COL7A1: variants seen among roughly 807,000 people sequenced by gnomAD.
COL7A1 encodes collagen alpha-1(VII) chain.
In COL7A1, 296 loss-of-function variants were observed where a neutral mutation model predicts 456.2. The observed-to-expected ratio is 0.65, with a 90% CI of 0.59 to 0.71. COL7A1 has a LOEUF of 0.71. COL7A1 is among the 30% of genes least tolerant of loss of function. COL7A1 has a pLI of 0.00. For synonymous variants in COL7A1, 1,464 were observed against 1,525.9 expected, an observed-to-expected ratio of 0.96 and a Z score of 0.95; for missense variants, 3,441 against 4,017.2, an observed-to-expected ratio of 0.86 and a Z score of 3.88.
chr3:48,580,647 T>G lies in COL7A1; in HGVS notation c.4986A>C (p.Ala1662=), dbSNP rs745762478. The G allele has an allele frequency of 1.6e-5, 26 of 1,613,690 alleles. No individual in the cohort carries two copies. Among genetic ancestry groups the G allele is most frequent in the Non-Finnish European group, 2.0e-5 (24 of 1,179,930 alleles). ...CACCCACAGGCCCCCGAACTCCAGG[T>G]GCCCCCTAAGAAGAGCAGCTGGCCT... is the stretch of plus-strand genomic sequence containing the variant. ...GKAGERGLRG[A]PGVRGPVGEK... is the part of the protein sequence containing the mutation. The change falls in exon 55 of 119, where the codon GCA becomes GCC. Residue 1662 remains alanine (A), a synonymous_variant. Coordinates refer to ENST00000681320, the MANE Select transcript of COL7A1 (RefSeq NM_000094.4). The surrounding 1 kb of genome is among the most constrained non-coding windows in gnomAD (Gnocchi z 4.5).
chr3:48,576,832 C>A (rs1197866896), intron 67 of COL7A1, 52 bp downstream of exon 67: 1 of 1,613,704 alleles, frequency 6.2e-7, no homozygotes, highest in East Asian at 2.2e-5. Context: ...GAGTCATATT[C>A]CCCCAGGGTC....
At position 48,594,384 on chromosome 3, in the gene COL7A1, A is replaced by G; in HGVS notation, c.250T>C (p.Tyr84His). The change falls in exon 3 of 119, where the codon TAC becomes CAC. Residue 84 changes from tyrosine to histidine, a missense_variant. Tyr to His is a moderately conservative substitution (Grantham distance 83). Around this residue, in one of 3 missense-constraint regions of COL7A1, gnomAD observed 913 missense variants for 1,088.2 expected, o/e 0.84. Coordinates refer to ENST00000681320, the MANE Select transcript of COL7A1 (RefSeq NM_000094.4). The surrounding 1 kb of genome is among the most constrained non-coding windows in gnomAD (Gnocchi z 5.5). ...CCTACTCACCGTGGGTCATCGCTGT[A>G]CTGCACTGTGGCAAAGCGCACACCC... ...AQGVRFATVQ[Y>H]SDDPRTEFGL... The G allele has an allele frequency of 4.3e-6, 7 of 1,610,974 alleles. No homozygotes were observed. Among genetic ancestry groups the G allele is most frequent in the Non-Finnish European group, 5.9e-6 (7 of 1,179,998 alleles).
rs41290684 is a variant in COL7A1, at chr3:48,565,086, C to T, written c.8620+23G>A. 0.014 allele frequency: 17,948 copies of T among 1,311,748 alleles called. 137 individuals carry two copies. The highest frequency in any genetic ancestry group is 0.017 in the Non-Finnish European group (16,525 of 993,574). 81.3% of individuals were successfully genotyped at this position (1,311,748 alleles called of 1,614,324 possible). On this transcript the variant is annotated intron_variant, in intron 117 of 118. Transcript: ENST00000681320. This position sits in a 1 kb window ranked among gnomAD's most constrained non-coding sequence, Gnocchi z 4.5. ...GCCCTGCCTGCCCCTCCCCAGACCC[C>T]GCTGGCAGCCCCCCATTCTCACCAT... is the stretch of plus-strand genomic sequence containing the variant.
chr3:48,569,987 AG>A lies in COL7A1; in HGVS notation c.7486-73del. 7 of 1,607,262 alleles carry A rather than the reference AG, an allele frequency of 4.4e-6. No individual in the cohort carries two copies. The highest frequency in any genetic ancestry group is 6.0e-6 in the Non-Finnish European group (7 of 1,174,908). On this transcript the variant is annotated intron_variant, in intron 99 of 118. Coordinates refer to ENST00000681320, the MANE Select transcript of COL7A1 (RefSeq NM_000094.4). This position sits in a 1 kb window ranked among gnomAD's most constrained non-coding sequence, Gnocchi z 4.9. ...AGGACGGAGGAGGATCAGGGGGAGG[AG>A]GGAAACAGTGGGGACCAGACAAAGG... is the stretch of plus-strand genomic sequence containing the variant.
At position 48,595,139 on chromosome 3, in the gene COL7A1, C is replaced by G; in HGVS notation, c.21G>C (p.Val7=). The G allele has an allele frequency of 1.3e-6, 2 of 1,552,898 alleles. No individual in the cohort carries two copies. Among genetic ancestry groups the G allele is most frequent in the Non-Finnish European group, 1.7e-6 (2 of 1,148,432 alleles). Residue 7 remains valine, a synonymous_variant, in exon 2 of 119, where the codon GTG becomes GTC. Coordinates refer to ENST00000681320, the MANE Select transcript of COL7A1 (RefSeq NM_000094.4). ...CCAGGATCCCGGCGCAGAGCGCGGC[C>G]ACCAGAAGCCGCAGCGTCATCCTAG... is the stretch of plus-strand genomic sequence containing the variant. The part of the protein sequence containing the change: MTLRLL[V]AALCAGILAE...
chr3:48,566,633 G>A lies in COL7A1; in HGVS notation c.8304+27C>T. On this transcript the variant is annotated intron_variant, in intron 112 of 118. Coordinates refer to ENST00000681320, the MANE Select transcript of COL7A1 (RefSeq NM_000094.4). The surrounding 1 kb of genome is among the most constrained non-coding windows in gnomAD (Gnocchi z 5.9). ...GACAACAGAAGTCACCCCGATCTCT[G>A]ACCCAAGCCTTGGAATCCCTACTCA... 3 of 1,614,154 alleles carry A rather than the reference G, an allele frequency of 1.9e-6. No individual in the cohort carries two copies. Among genetic ancestry groups the A allele is most frequent in the Non-Finnish European group, 2.5e-6 (3 of 1,180,006 alleles).
Position 48,565,117 on chromosome 3 carries a change from T to C in COL7A1, c.8612A>G (p.Asp2871Gly), listed in dbSNP as rs778969774. Residue 2871 changes from aspartate to glycine, a missense_variant, in exon 117 of 119, where the codon GAT becomes GGT. Transcript: ENST00000681320. The surrounding 1 kb of genome is among the most constrained non-coding windows in gnomAD (Gnocchi z 4.5). Reference sequence around the variant, plus strand: ...CAGCCCCCCATTCTCACCATCACTATCCCAAGGAGCTTCAGGGTCCTGGTA... The same window carrying C: ...CAGCCCCCCATTCTCACCATCACTACCCCAAGGAGCTTCAGGGTCCTGGTA... ...EEYQDPEAPW[D>G]SDDPCSLPLD... is the part of the protein sequence containing the mutation. 3.7e-6 allele frequency: 6 copies of C among 1,613,962 alleles called. No individual in the cohort carries two copies. The highest frequency in any genetic ancestry group is 1.7e-5 in the Admixed American group (1 of 60,016).
rs772240998 is a variant in COL7A1 at position 48,592,170 on chromosome 3, T to G, written c.1172A>C (p.Tyr391Ser). ...AAATAGGGTGCTCACGGTCACCTCA[T>G]AGTCCGTGCCAGGCTCCAAGTCACG... is the stretch of plus-strand genomic sequence containing the variant. ...LLRDLEPGTD[Y>S]EVTVSTLFGR... Residue 391 changes from tyrosine (Y) to serine (S), a missense_variant, in exon 10 of 119, where the codon TAT becomes TCT. Physicochemically the swap from Tyr to Ser is moderately radical, Grantham distance 144. This residue lies in a region of COL7A1 where 913 missense variants were observed against 1,088.2 expected (regional missense o/e 0.84). Transcript: ENST00000681320. The surrounding 1 kb of genome is among the most constrained non-coding windows in gnomAD (Gnocchi z 7.6). The G allele has an allele frequency of 6.2e-7, 1 of 1,613,972 alleles. No individual in the cohort carries two copies. Among genetic ancestry groups the G allele is most frequent in the Non-Finnish European group, 8.5e-7 (1 of 1,180,040 alleles).
Position 48,587,638 on chromosome 3 carries a change from T to G in COL7A1, c.2858-84A>C, listed in dbSNP as rs2045369768. 6.2e-6 allele frequency: 10 copies of G among 1,608,670 alleles called. No homozygotes were observed. The highest frequency in any genetic ancestry group is 8.5e-6 in the Non-Finnish European group (10 of 1,176,328). ...GAGATCTGAGATCCTGGGTCCGGTTTGTCTTATTGAAGCATCATGGGAGGT... is the reference window on the plus strand; with the variant it reads ...GAGATCTGAGATCCTGGGTCCGGTTGGTCTTATTGAAGCATCATGGGAGGT... On this transcript the variant is annotated intron_variant, in intron 22 of 118. Coordinates refer to ENST00000681320, the MANE Select transcript of COL7A1 (RefSeq NM_000094.4). This position sits in a 1 kb window ranked among gnomAD's most constrained non-coding sequence, Gnocchi z 6.1.
Position 48,584,000 on chromosome 3 carries a change from C to T in COL7A1, c.4224+35G>A. On this transcript the variant is annotated intron_variant, in intron 38 of 118. Transcript: ENST00000681320. The surrounding 1 kb of genome is among the most constrained non-coding windows in gnomAD (Gnocchi z 5.1). The stretch of plus-strand genomic sequence containing the variant: ...GGGAATGAACAGGGGAATCAGACTC[C>T]AAGCCACCCCTAGCACAACCTGTCC... 1 of 1,614,004 alleles carries T rather than the reference C, an allele frequency of 6.2e-7. No individual in the cohort carries two copies. Among genetic ancestry groups the T allele is most frequent in the East Asian group, 2.2e-5 (1 of 44,866 alleles).
At position 48,569,442 on chromosome 3, in the gene COL7A1, T is replaced by C. The variant is rs769086974; in HGVS notation, c.7619A>G (p.Glu2540Gly). 5.6e-6 allele frequency: 9 copies of C among 1,614,162 alleles called. No individual in the cohort carries two copies. The highest frequency in any genetic ancestry group is 7.6e-6 in the Non-Finnish European group (9 of 1,180,010). ...ACCATCCAAGCCCCGAGGCCCTCGT[T>C]CACCCTGGGTTGGTTTGGGTAAGAA... ...GPRGAKGDMGERGPRGLDGDK... is the reference protein window; with the variant it reads ...GPRGAKGDMGGRGPRGLDGDK... The change falls in exon 103 of 119, where the codon GAA (glutamate) becomes GGA (glycine). Residue 2540 changes from glutamate (E) to glycine (G), a missense_variant. Coordinates refer to ENST00000681320, the MANE Select transcript of COL7A1 (RefSeq NM_000094.4). This position sits in a 1 kb window ranked among gnomAD's most constrained non-coding sequence, Gnocchi z 4.9.
At position 48,567,277 on chromosome 3, in the gene COL7A1, TA is replaced by T; in HGVS notation, c.8047-88del. 1 of 1,530,602 alleles carries T rather than the reference TA, an allele frequency of 6.5e-7. No homozygotes were observed. The allele number at this position is 1,530,602 out of a possible 1,614,324, so 94.8% of individuals were successfully genotyped here. ...CTGAACTCCCATGAGCTCCCTGGCC[TA>T]ATGCCCAAACCTTCTGTAACCCAAG... is the stretch of plus-strand genomic sequence containing the variant. On this transcript the variant is annotated intron_variant, in intron 109 of 118. Coordinates refer to ENST00000681320, the MANE Select transcript of COL7A1 (RefSeq NM_000094.4). This position sits in a 1 kb window ranked among gnomAD's most constrained non-coding sequence, Gnocchi z 4.3.
intron 1 of COL7A1, 52 bp from the exon 2 acceptor site, chr3:48,595,212 C>G: frequency 1.3e-6 from 2 of 1,487,842 alleles, no homozygotes; most frequent in Non-Finnish European, 1.8e-6. Flanking sequence ...CCTTGCTCCC[C>G]CGTGGCCTTG....
chr3:48,566,719 C>CGG lies in COL7A1; in HGVS notation c.8243_8244dup (p.Gly2749ProfsTer38). ...CCAGGAGCCCCCACCACTCTCTCTCCGGGGGGACCTCGCTCACCCTGTCAG... is the reference window on the plus strand; with the variant it reads ...CCAGGAGCCCCCACCACTCTCTCTCCGGGGGGGGACCTCGCTCACCCTGTCAG... On this transcript the variant is annotated frameshift_variant, in exon 112 of 119. Transcript: ENST00000681320. LOFTEE classifies it high-confidence loss of function. This position sits in a 1 kb window ranked among gnomAD's most constrained non-coding sequence, Gnocchi z 5.9. The CGG allele has an allele frequency of 6.2e-7, 1 of 1,613,896 alleles. No individual in the cohort carries two copies. Among genetic ancestry groups the CGG allele is most frequent in the Non-Finnish European group, 8.5e-7 (1 of 1,179,970 alleles).
chr3:48,589,859 G>T, intron 16 of COL7A1, 141 bp from the exon 17 acceptor site: 1 of 1,235,978 alleles, frequency 8.1e-7, no homozygotes, highest in Non-Finnish European at 1.2e-6. Flanking sequence ...GAGGAGTGGG[G>T]AGGTGGAGGT....
chr3:48,593,518 T>C lies in COL7A1; in HGVS notation c.426+19A>G. On this transcript the variant is annotated intron_variant, in intron 4 of 118. Transcript: ENST00000681320. This position sits in a 1 kb window ranked among gnomAD's most constrained non-coding sequence, Gnocchi z 4.4. ...TCATTTGGGGTCATCTTGGGAGGCA[T>C]GGTAGGGGTAGGGATCACCTTGGGG... 1 of 1,613,940 alleles carries C rather than the reference T, an allele frequency of 6.2e-7. No homozygotes were observed. Among genetic ancestry groups the C allele is most frequent in the Non-Finnish European group, 8.5e-7 (1 of 1,179,960 alleles).
Position 48,583,353 on chromosome 3 carries a change from G to A in COL7A1, c.4437+40C>T, listed in dbSNP as rs1315516753. 6.2e-7 allele frequency: 1 copy of A among 1,613,344 alleles called. No individual in the cohort carries two copies. The highest frequency in any genetic ancestry group is 8.5e-7 in the Non-Finnish European group (1 of 1,179,316). ...CCCCTAACACCATGGGGAGCCCAGAGTAGCACCCCTCACACCTGAATCCCC... is the reference window on the plus strand; with the variant it reads ...CCCCTAACACCATGGGGAGCCCAGAATAGCACCCCTCACACCTGAATCCCC... On this transcript the variant is annotated intron_variant, in intron 42 of 118. Transcript: ENST00000681320. This position sits in a 1 kb window ranked among gnomAD's most constrained non-coding sequence, Gnocchi z 5.1.
At chr3:48,584,977 G>A (rs1226626408) in intron 33 of COL7A1, 32 bp from the exon 34 acceptor site, 1 of 1,613,700 alleles carries the variant, frequency 6.2e-7, no homozygotes, top group South Asian at 1.1e-5. Flanking sequence ...AGAACAGTCG[G>A]AGCCACCCCA....
chr3:48,575,218 G>A lies in COL7A1; in HGVS notation c.6205C>T (p.Arg2069Cys), dbSNP rs121912855. ...CCATCGCAGCCCACCTGTTCTCCACGTTCTCCTTTCTCTCCCCGTTCTCCC... is the reference window on the plus strand; with the variant it reads ...CCATCGCAGCCCACCTGTTCTCCACATTCTCCTTTCTCTCCCCGTTCTCCC... Reference protein sequence around the residue: ...ERGERGEKGERGEQGRDGPPG... With the variant: ...ERGERGEKGECGEQGRDGPPG... Residue 2069 changes from arginine to cysteine, a missense_variant, in exon 75 of 119, where the codon CGT becomes TGT. Physicochemically the swap from Arg to Cys is radical, Grantham distance 180. Around this residue, in one of 3 missense-constraint regions of COL7A1, gnomAD observed 2,084 missense variants for 2,501.3 expected, o/e 0.83. Coordinates refer to ENST00000681320, the MANE Select transcript of COL7A1 (RefSeq NM_000094.4). This position sits in a 1 kb window ranked among gnomAD's most constrained non-coding sequence, Gnocchi z 6.3. 41 of 1,613,918 alleles carry A rather than the reference G, an allele frequency of 2.5e-5. No homozygotes were observed. Among genetic ancestry groups the A allele is most frequent in the South Asian group, 3.3e-5 (3 of 91,092 alleles).
Sources: allele counts gnomAD v4.1 joint callset, GRCh38; gene constraint gnomAD v4.1.1; regional missense constraint gnomAD v4.1.1; non-coding constraint Gnocchi (gnomAD v3.1); transcripts MANE v1.5; gene names NCBI Gene and HGNC (gene_info 2026-07-23, HGNC 2026-07-21).